SPTLC2: variants seen among roughly 807,000 people sequenced by gnomAD.
SPTLC2 encodes serine palmitoyltransferase long chain base subunit 2, also known as serine palmitoyltransferase 2.
In SPTLC2, 21 loss-of-function variants were observed where a neutral mutation model predicts 62.0. That is an observed-to-expected ratio of 0.34 (90% CI 0.24 to 0.49). The LOEUF is 0.49. SPTLC2 is among the 20% of genes least tolerant of loss of function. The probability of loss-of-function intolerance (pLI) is 0.99; values close to 1 mark genes in which losing one functional copy is unlikely to be tolerated. For missense variants in SPTLC2, 511 were observed against 713.0 expected (o/e 0.72, Z 3.23); for synonymous variants, 261 against 261.8 (o/e 1.00, Z 0.03).
chr14:77,526,946 C>G (rs2079411925), intron 9 of SPTLC2, among the ~76,000 whole-genome samples: 2 of 151,906 alleles, frequency 1.3e-5, no homozygotes, highest in African/African-American at 2.4e-5. Context: ...AGCAACCCGC[C>G]ACAACACCCG....
intron 4 of SPTLC2, among the ~76,000 whole-genome samples, chr14:77,573,003 T>G (rs1392802882): frequency 6.6e-6 from 1 of 152,260 alleles, no homozygotes; most frequent in Non-Finnish European, 1.5e-5. Context: ...AATTTGTGGG[T>G]TCACTGGAGT....
Position 77,555,474 on chromosome 14 carries a change from C to T in SPTLC2, c.1002G>A (p.Lys334=). Residue 334 remains lysine (K), a synonymous_variant, in exon 8 of 12, where the codon AAG becomes AAA. Transcript: ENST00000216484. ...GATACAAGTATGCCTTGTATTTCTT[C>T]TTGAGGGCAATCACTTCAGGAAGAC... ...IVRLPEVIAL[K]KKYKAYLYLD... 1.9e-6 allele frequency: 3 copies of T among 1,614,170 alleles called. No homozygotes were observed. Among genetic ancestry groups the T allele is most frequent in the Middle Eastern group, 1.6e-4 (1 of 6,062 alleles).
chr14:77,524,008 A>G (rs551877102), intron 9 of SPTLC2, among the ~76,000 whole-genome samples: 2 of 152,354 alleles, frequency 1.3e-5, no homozygotes, highest in African/African-American at 4.8e-5. Context: ...GAGTATTAGC[A>G]GATATGGATG....
chr14:77,528,823 CTTATTTTTG>C (rs1267694492), intron 9 of SPTLC2, among the ~76,000 whole-genome samples: 1 of 151,840 alleles, frequency 6.6e-6, no homozygotes, highest in African/African-American at 2.4e-5. Flanking sequence ...TTTCAAAGGT[CTTATTTTTG>C]TTATTTTTTG....
chr14:77,587,144 C>T (rs915519130), intron 2 of SPTLC2, among the ~76,000 whole-genome samples: 2 of 152,022 alleles, frequency 1.3e-5, no homozygotes, highest in Non-Finnish European at 2.9e-5. Flanking sequence ...AGAAGAATGG[C>T]GTGAACCCAG....
chr14:77,603,648 T>A (rs151002183), intron 1 of SPTLC2, among the ~76,000 whole-genome samples: 26 of 152,344 alleles, frequency 1.7e-4, no homozygotes, highest in African/African-American at 5.5e-4. Flanking sequence ...TGGAATGGAA[T>A]GAAAAATGTT....
chr14:77,595,134 C>G (rs113715409), intron 2 of SPTLC2, among the ~76,000 whole-genome samples: 5,597 of 152,100 alleles, frequency 0.037, 331 homozygotes, highest in African/African-American at 0.13. Flanking sequence ...GAGGCCGAGG[C>G]AGGTGGATCG....
intron 9 of SPTLC2, among the ~76,000 whole-genome samples, chr14:77,551,712 A>G (rs1307016403): frequency 6.6e-6 from 1 of 152,242 alleles, no homozygotes; most frequent in African/African-American, 2.4e-5. Context: ...AAGGCATTAA[A>G]TCAGGAATAC....
intron 1 of SPTLC2, among the ~76,000 whole-genome samples, chr14:77,613,006 C>T (rs2093974046): frequency 6.6e-6 from 1 of 152,142 alleles, no homozygotes; most frequent in South Asian, 2.1e-4. Flanking sequence ...AATCTCAAAA[C>T]TTCTATAAAG....
chr14:77,548,513 A>C (rs770355377), intron 9 of SPTLC2, among the ~76,000 whole-genome samples: 2 of 152,228 alleles, frequency 1.3e-5, no homozygotes, highest in African/African-American at 4.8e-5. Flanking sequence ...CGGATTAGTG[A>C]TGTGTAAAGT....
chr14:77,610,356 G>A (rs1186503692), intron 1 of SPTLC2, among the ~76,000 whole-genome samples: 3 of 152,158 alleles, frequency 2.0e-5, no homozygotes, highest in Non-Finnish European at 4.4e-5. Context: ...TGGCCAGGCT[G>A]GTCTCAAACT....
chr14:77,593,313 T>G (rs2079828758), intron 2 of SPTLC2, among the ~76,000 whole-genome samples: 1 of 152,132 alleles, frequency 6.6e-6, no homozygotes, highest in South Asian at 2.1e-4. Flanking sequence ...TGAATTAAAT[T>G]TTTTCATTTT....
chr14:77,602,548 CT>C (rs60014262), intron 1 of SPTLC2, among the ~76,000 whole-genome samples: 32,062 of 137,326 alleles, frequency 0.23, 3,439 homozygotes, highest in East Asian at 0.31. Flanking sequence ...AGGTTTGTTT[CT>C]TTTTTTTTTT....
chr14:77,517,859 G>A (rs2079366642), intron 11 of SPTLC2, among the ~76,000 whole-genome samples, 179 bp downstream of exon 11: 2 of 152,054 alleles, frequency 1.3e-5, no homozygotes. Context: ...GAGCTCTCAT[G>A]ATGCAGGTGT....
chr14:77,523,458 G>A (rs1302280791), intron 9 of SPTLC2, among the ~76,000 whole-genome samples: 1 of 152,092 alleles, frequency 6.6e-6, no homozygotes, highest in African/African-American at 2.4e-5. Context: ...GAATTTGTTG[G>A]GCAGTGTACA....
At chr14:77,585,377 A>T (rs1295288943) in intron 2 of SPTLC2, among the ~76,000 whole-genome samples, 1 of 152,226 alleles carries the variant, frequency 6.6e-6, no homozygotes, top group Non-Finnish European at 1.5e-5. Flanking sequence ...GTATTATTCC[A>T]AACTAACACT....
In SPTLC2 at chr14:77,579,037, A is replaced by C. The variant is rs1215176119; in HGVS notation, c.400T>G (p.Trp134Gly). ...RNLYMRIRDN[W>G]NRPICSVPGA... ...GGCACACTACAGATTGGCCGATTCC[A>C]GTTGTCTCTTATCCTCATGTACAGA... The change falls in exon 3 of 12, where the codon TGG (tryptophan) becomes GGG (glycine). Residue 134 changes from tryptophan to glycine, a missense_variant. Coordinates refer to ENST00000216484, the MANE Select transcript of SPTLC2 (RefSeq NM_004863.4). The C allele has an allele frequency of 6.2e-7, 1 of 1,614,162 alleles. No individual in the cohort carries two copies. Among genetic ancestry groups the C allele is most frequent in the Admixed American group, 1.7e-5 (1 of 60,020 alleles).
chr14:77,564,144 T>C (rs892174602), intron 5 of SPTLC2, among the ~76,000 whole-genome samples: 5 of 149,714 alleles, frequency 3.3e-5, no homozygotes, highest in African/African-American at 1.2e-4. Flanking sequence ...CTCAAATCTC[T>C]GCTACACAAA....
At chr14:77,582,575 T>A (rs2140043947) in intron 2 of SPTLC2, among the ~76,000 whole-genome samples, 1 of 152,196 alleles carries the variant, frequency 6.6e-6, no homozygotes, top group South Asian at 2.1e-4. Context: ...CAGAATGAAG[T>A]AGAGCTTCAC....
Sources: gnomAD v4.1 joint callset for allele counts (sites outside exome capture counted in the v4.1 genomes callset) on GRCh38, gnomAD v4.1.1 for gene constraint, MANE v1.5 for transcripts, NCBI Gene and HGNC (gene_info 2026-07-23, HGNC 2026-07-21) for gene names.